The following UGT1A6 variants were observed in gnomAD, a reference collection of about 807,000 sequenced individuals.
UGT1A6 encodes the protein UDP glucuronosyltransferase family 1 member A6.
UGT1A6 carries 32 observed loss-of-function variants against 44.4 expected under a neutral mutation model. The observed-to-expected ratio is 0.72, with a 90% CI of 0.54 to 0.97. UGT1A6 has a LOEUF of 0.97. UGT1A6 is among the 50% of genes least tolerant of loss of function. The probability of loss-of-function intolerance (pLI) is 0.00; values close to 1 mark genes in which losing one functional copy is unlikely to be tolerated. For missense variants in UGT1A6, 685 were observed against 661.9 expected, an observed-to-expected ratio of 1.03 and a Z score of -0.38; for synonymous variants, 238 against 248.5, an observed-to-expected ratio of 0.96 and a Z score of 0.40.
chr2:233,763,382 T>G (rs1698295022), intron 1 of UGT1A6, among the ~76,000 whole-genome samples: 1 of 152,252 alleles, frequency 6.6e-6, no homozygotes, highest in South Asian at 2.1e-4. Context: ...GCTTTCTTCC[T>G]TTTTAAACAA....
intron 1 of UGT1A6, among the ~76,000 whole-genome samples, chr2:233,763,422 G>A (rs983086025): frequency 2.0e-4 from 31 of 152,076 alleles, no homozygotes; most frequent in Non-Finnish European, 4.1e-4. Context: ...ATCCAGTCAG[G>A]CAGTTGCTTT....
chr2:233,747,060 A>C (rs1693551800), intron 1 of UGT1A6, among the ~76,000 whole-genome samples: 1 of 151,974 alleles, frequency 6.6e-6, no homozygotes, highest in Non-Finnish European at 1.5e-5. Flanking sequence ...ATGATTGGTT[A>C]ATCGGTAATA....
intron 1 of UGT1A6, among the ~76,000 whole-genome samples, chr2:233,748,824 G>A (rs1694036500): frequency 6.6e-6 from 1 of 151,412 alleles, no homozygotes. Context: ...GAAGGGTCTA[G>A]GGAGGAGATA....
chr2:233,741,224 C>T lies in UGT1A6; in HGVS notation c.862-25810C>T, dbSNP rs565131356. ...AAAACTAGCCAGAGTTGTTACAGAC[C>T]CACTACCTCTGAGTGACACTGGTAT... On this transcript the variant is annotated intron_variant, in intron 1 of 4. Transcript: ENST00000305139. Among the ~76,000 whole-genome samples, 4 of 151,908 alleles carry T rather than the reference C, an allele frequency of 2.6e-5. No individual in the cohort carries two copies. The South Asian group carries it at 8.3e-4, about 32-fold the overall frequency.
At chr2:233,757,306 AGGGG>A in intron 1 of UGT1A6, among the ~76,000 whole-genome samples, 1 of 7,688 alleles carries the variant, frequency 1.3e-4, no homozygotes. Flanking sequence ...GTTGGGGGAC[AGGGG>A]GGCTGGGGCC....
intron 1 of UGT1A6, among the ~76,000 whole-genome samples, chr2:233,695,933 C>T (rs891673368): frequency 9.9e-5 from 15 of 152,070 alleles, no homozygotes; most frequent in African/African-American, 3.6e-4. Context: ...AGCAAGCAGG[C>T]AATTCTGCCA....
chr2:233,764,795 T>A (rs148070412), intron 1 of UGT1A6, among the ~76,000 whole-genome samples: 1 of 152,200 alleles, frequency 6.6e-6, no homozygotes, highest in East Asian at 1.9e-4. Flanking sequence ...CCTCAGGGTG[T>A]TCTTGCTACA....
intron 1 of UGT1A6, among the ~76,000 whole-genome samples, chr2:233,757,554 A>ATATATATATATATATATATATT (rs1696625820): frequency 7.9e-6 from 1 of 126,928 alleles, no homozygotes; most frequent in Non-Finnish European, 1.6e-5. Context: ...ATATATATAT[A>ATATATATATATATATATATATT]TATATATGTA....
chr2:233,734,728 G>A (rs893989156), intron 1 of UGT1A6, among the ~76,000 whole-genome samples: 13 of 150,534 alleles, frequency 8.6e-5, no homozygotes, highest in African/African-American at 3.2e-4. Flanking sequence ...TGTTCTCGTC[G>A]GTTTCAAAGA....
At chr2:233,721,905 C>A in intron 1 of UGT1A6, 1 of 450,072 alleles carries the variant, frequency 2.2e-6, no homozygotes, top group Non-Finnish European at 4.4e-6. Context: ...CGAAATGGTG[C>A]ACACTGCTTC....
intron 1 of UGT1A6, chr2:233,708,761 C>T (rs7583278): frequency 0.42 from 63,889 of 151,386 alleles, 14,561 homozygotes; most frequent in African/African-American, 0.59. Context: ...ACTCCCCACC[C>T]CCCCCCAAAT....
intron 1 of UGT1A6, among the ~76,000 whole-genome samples, chr2:233,762,377 A>T (rs182919265): frequency 5.6e-4 from 86 of 152,370 alleles, no homozygotes; most frequent in African/African-American, 2.0e-3. Context: ...ACCAATATGT[A>T]TATAGAAACA....
At chr2:233,718,857 G>A (rs1210101221) in intron 1 of UGT1A6, 8 of 1,613,658 alleles carry the variant, frequency 5.0e-6, no homozygotes, top group Non-Finnish European at 6.8e-6. Flanking sequence ...GCCGCGGCTG[G>A]CCACAGGACT....
intron 1 of UGT1A6, among the ~76,000 whole-genome samples, chr2:233,739,319 A>G (rs1691051030): frequency 3.3e-5 from 5 of 152,150 alleles, no homozygotes; most frequent in Admixed American, 3.3e-4. Flanking sequence ...AGTTGTGAGA[A>G]GAAGGCCACA....
At chr2:233,751,255 T>G (rs977070137) in intron 1 of UGT1A6, among the ~76,000 whole-genome samples, 1 of 151,972 alleles carries the variant, frequency 6.6e-6, no homozygotes, top group Non-Finnish European at 1.5e-5. Context: ...GCATGGGGCC[T>G]GTAGCCCCCT....
At chr2:233,703,396 A>T (rs890785846) in intron 1 of UGT1A6, among the ~76,000 whole-genome samples, 1 of 151,974 alleles carries the variant, frequency 6.6e-6, no homozygotes, top group African/African-American at 2.4e-5. Context: ...TCAAATAAAC[A>T]ATTTTGGTTT....
At chr2:233,724,302 T>A (rs1575551867) in intron 1 of UGT1A6, among the ~76,000 whole-genome samples, 11 of 123,398 alleles carry the variant, frequency 8.9e-5, no homozygotes, top group South Asian at 6.0e-4. Context: ...CCCCCCCACC[T>A]CCCTCCCGGA....
intron 1 of UGT1A6, chr2:233,721,662 A>AG (rs2076961338): frequency 4.1e-6 from 1 of 245,624 alleles, no homozygotes; most frequent in Non-Finnish European, 8.2e-6. Context: ...GGGTCATGTA[A>AG]GGGTTAATCC....
At position 233,718,958 on chromosome 2, in the gene UGT1A6, G is replaced by A. The variant is rs201006205; in HGVS notation, c.861+25093G>A. 528 of 1,614,220 alleles carry A rather than the reference G, an allele frequency of 3.3e-4. 5 individuals carry two copies. In the South Asian group the frequency reaches 5.5e-3, roughly 17 times the overall value. On this transcript the variant is annotated intron_variant, in intron 1 of 4. Coordinates refer to ENST00000305139, the MANE Select transcript of UGT1A6 (RefSeq NM_001072.4). ...GCAGCCCCTGGCTCAGCATGCGGGA[G>A]GCCTTGCGGGAGCTCCATGCCAGAG...
Sources: allele counts gnomAD v4.1 joint callset (sites outside exome capture counted in the v4.1 genomes callset), GRCh38; gene constraint gnomAD v4.1.1; transcripts MANE v1.5; gene names NCBI Gene and HGNC (gene_info 2026-07-23, HGNC 2026-07-21).